The following TENM3 variants were observed in gnomAD, a reference collection of about 807,000 sequenced individuals.
TENM3 encodes the protein teneurin transmembrane protein 3, also known as teneurin-3.
A neutral mutation model predicts 255.1 loss-of-function variants in TENM3; 63 were observed. The ratio of observed to expected loss-of-function variants is 0.25; its 90% CI spans 0.20 to 0.30. TENM3 has a LOEUF of 0.30. Ranked by LOEUF, TENM3 falls within the 10% of genes least tolerant of loss-of-function variation. The probability of loss-of-function intolerance (pLI) is 1.00; values close to 1 mark genes in which losing one functional copy is unlikely to be tolerated. For synonymous variants in TENM3, 1,306 were observed against 1,322.3 expected, an observed-to-expected ratio of 0.99 and a Z score of 0.27; for missense variants, 2,929 against 3,461.1, an observed-to-expected ratio of 0.85 and a Z score of 3.86.
intron 4 of TENM3, among the ~76,000 whole-genome samples, chr4:182,615,255 G>GT (rs1749391527): frequency 6.6e-6 from 1 of 151,102 alleles, no homozygotes; most frequent in Non-Finnish European, 1.5e-5. Context: ...TTTCATACAG[G>GT]TAATAAGTTG....
the TENM3 span, among the ~76,000 whole-genome samples, chr4:181,842,883 A>C: frequency 6.6e-6 from 1 of 152,188 alleles, no homozygotes; most frequent in Non-Finnish European, 1.5e-5. Flanking sequence ...AATTCAGAAG[A>C]AGCTCAGAAA....
the TENM3 span, among the ~76,000 whole-genome samples, chr4:182,079,372 C>T: frequency 3.3e-5 from 5 of 151,988 alleles, no homozygotes; most frequent in South Asian, 6.2e-4. Flanking sequence ...AAAAATTAGC[C>T]GGGCGCAGTG....
Position 182,408,733 on chromosome 4 carries a change from C to T in TENM3, c.511+61804C>T, listed in dbSNP as rs117472027. On this transcript the variant is annotated intron_variant, in intron 3 of 27. Coordinates refer to ENST00000511685, the MANE Select transcript of TENM3 (RefSeq NM_001080477.4). ...TTTCTTATTAACATTCAGTGGATTC[C>T]GTGTAGATGAAATAGTATTCATCCA... Among the ~76,000 whole-genome samples the T allele has an allele frequency of 1.4e-4, 21 of 152,248 alleles. No homozygotes were observed. In the East Asian group the frequency reaches 2.1e-3, roughly 15 times the overall value.
chr4:182,527,254 T>A (rs949229868), intron 3 of TENM3, among the ~76,000 whole-genome samples: 1 of 152,206 alleles, frequency 6.6e-6, no homozygotes, highest in Non-Finnish European at 1.5e-5. Flanking sequence ...TACTTTTGTT[T>A]TTTAACTTTC....
At chr4:182,254,890 C>CA (rs998367682) in intron 1 of TENM3, among the ~76,000 whole-genome samples, 12 of 151,204 alleles carry the variant, frequency 7.9e-5, no homozygotes, top group African/African-American at 3.0e-4. Context: ...CAGCAAAAAA[C>CA]AAAAAACAAA....
chr4:182,193,924 T>G (rs542899002), intron 1 of TENM3, among the ~76,000 whole-genome samples: 1 of 152,300 alleles, frequency 6.6e-6, no homozygotes, highest in East Asian at 1.9e-4. Context: ...GTTTTCAGAG[T>G]TCAGTATTAT....
At chr4:181,676,786 C>T in the TENM3 span, among the ~76,000 whole-genome samples, 8,643 of 152,054 alleles carry the variant, frequency 0.057, 344 homozygotes, top group Middle Eastern at 0.13. Flanking sequence ...CTCAACACAC[C>T]CTGTTTTATG....
At chr4:182,363,345 GTGTA>G (rs1766168466) in intron 3 of TENM3, among the ~76,000 whole-genome samples, 2 of 151,944 alleles carry the variant, frequency 1.3e-5, no homozygotes, top group Admixed American at 6.6e-5. Context: ...TCATATATGT[GTGTA>G]TGTATGTGTA....
intron 1 of TENM3, among the ~76,000 whole-genome samples, chr4:182,285,867 T>A (rs1035628808): frequency 1.3e-5 from 2 of 150,686 alleles, no homozygotes; most frequent in Non-Finnish European, 3.0e-5. Context: ...GAAAAAAAAA[T>A]AAGCCTTTAA....
At chr4:181,881,523 C>A in the TENM3 span, among the ~76,000 whole-genome samples, 1 of 152,044 alleles carries the variant, frequency 6.6e-6, no homozygotes, top group Non-Finnish European at 1.5e-5. Context: ...TATTTGTTGA[C>A]CACATATCAT....
the TENM3 span, among the ~76,000 whole-genome samples, chr4:181,715,082 T>G: frequency 6.6e-6 from 1 of 152,216 alleles, no homozygotes; most frequent in Admixed American, 6.5e-5. Context: ...ATTTTCTTAA[T>G]TATACGTGGT....
chr4:182,046,720 G>A, the TENM3 span, among the ~76,000 whole-genome samples: 1 of 151,782 alleles, frequency 6.6e-6, no homozygotes, highest in Non-Finnish European at 1.5e-5. Context: ...ATAAAATGAG[G>A]CCCCATGTCT....
intron 1 of TENM3, among the ~76,000 whole-genome samples, chr4:182,193,773 A>G (rs2149796450): frequency 6.6e-6 from 1 of 152,288 alleles, no homozygotes; most frequent in African/African-American, 2.4e-5. Flanking sequence ...ATCATGTTTT[A>G]TTTTGGAGTC....
the TENM3 span, among the ~76,000 whole-genome samples, chr4:181,519,128 G>A: frequency 1.3e-5 from 2 of 152,214 alleles, no homozygotes. Context: ...GAAATCTGCA[G>A]CTGGGCAAGC....
intron 3 of TENM3, among the ~76,000 whole-genome samples, chr4:182,402,987 T>G (rs1489335809): frequency 2.0e-5 from 3 of 152,246 alleles, no homozygotes; most frequent in Non-Finnish European, 1.5e-5. Flanking sequence ...CTGATTTGTC[T>G]CAGATATTTT....
chr4:181,802,174 A>G, the TENM3 span, among the ~76,000 whole-genome samples: 1 of 152,138 alleles, frequency 6.6e-6, no homozygotes, highest in Non-Finnish European at 1.5e-5. Flanking sequence ...CCACGATTTC[A>G]CTGTGCCTTT....
chr4:181,527,967 C>T, the TENM3 span, among the ~76,000 whole-genome samples: 1 of 151,716 alleles, frequency 6.6e-6, no homozygotes, highest in East Asian at 1.9e-4. Flanking sequence ...TATGGATGTA[C>T]CACAGTGTAC....
the TENM3 span, among the ~76,000 whole-genome samples, chr4:182,053,550 C>A: frequency 6.6e-6 from 1 of 152,110 alleles, no homozygotes; most frequent in Non-Finnish European, 1.5e-5. Flanking sequence ...TGGCACTAAT[C>A]GATGTCCTGG....
At chr4:182,217,062 C>T (rs1377901658) in intron 1 of TENM3, among the ~76,000 whole-genome samples, 4 of 128,532 alleles carry the variant, frequency 3.1e-5, no homozygotes, top group African/African-American at 1.2e-4. Context: ...TCACTCTGTC[C>T]CAGGCTAGAG....
Sources: gnomAD v4.1 joint callset for allele counts (sites outside exome capture counted in the v4.1 genomes callset) on GRCh38, gnomAD v4.1.1 for gene constraint, MANE v1.5 for transcripts, NCBI Gene and HGNC (gene_info 2026-07-23, HGNC 2026-07-21) for gene names.